SPNS3: variants seen among roughly 807,000 people sequenced by gnomAD.
SPNS3 encodes protein spinster homolog 3.
SPNS3 carries 51 observed loss-of-function variants against 54.4 expected under a neutral mutation model. The observed-to-expected ratio is 0.94, with a 90% CI of 0.75 to 1.18. SPNS3 has a LOEUF of 1.18. SPNS3 is among the 50% of genes most tolerant of loss of function. The pLI, the probability that SPNS3 is intolerant of heterozygous loss-of-function variation, is 0.00. For missense variants in SPNS3, 669 were observed against 677.4 expected (o/e 0.99, Z 0.14); for synonymous variants, 309 against 294.7 (o/e 1.05, Z -0.50).
At chr17:4,436,254 A>G (rs1247960201) in intron 1 of SPNS3, among the ~76,000 whole-genome samples, 1 of 152,148 alleles carries the variant, frequency 6.6e-6, no homozygotes, top group East Asian at 1.9e-4. Flanking sequence ...TCGATCTGTC[A>G]GTTACCAGCT....
intron 8 of SPNS3, among the ~76,000 whole-genome samples, chr17:4,475,772 G>T (rs8070786): frequency 1.1e-4 from 16 of 152,200 alleles, no homozygotes; most frequent in African/African-American, 3.9e-4. Context: ...GAGCAGCTTC[G>T]AACAGTCAGC....
chr17:4,451,760 CG>C (rs1459968007), intron 7 of SPNS3, among the ~76,000 whole-genome samples: 1 of 151,332 alleles, frequency 6.6e-6, no homozygotes, highest in Non-Finnish European at 1.5e-5. Context: ...CTCCACCTCC[CG>C]GATTCAAGTG....
At chr17:4,458,588 C>CCTTCCTTTCTTT (rs1413694695) in intron 8 of SPNS3, among the ~76,000 whole-genome samples, 2,412 of 59,228 alleles carry the variant, frequency 0.041, 202 homozygotes, top group East Asian at 0.085. Flanking sequence ...TTCCTTCCCT[C>CCTTCCTTTCTTT]CTTTCTTTCT....
intron 8 of SPNS3, among the ~76,000 whole-genome samples, chr17:4,458,609 C>A (rs1971398016): frequency 9.5e-6 from 1 of 105,734 alleles, no homozygotes; most frequent in Non-Finnish European, 2.0e-5. Flanking sequence ...TTCTTTCTTT[C>A]TTTCTTTCTT....
In SPNS3 at chr17:4,478,593, C is replaced by T; in HGVS notation, c.1135C>T (p.Leu379=). 1 of 1,584,582 alleles carries T rather than the reference C, an allele frequency of 6.3e-7. No homozygotes were observed. Among genetic ancestry groups the T allele is most frequent in the Middle Eastern group, 1.7e-4 (1 of 6,030 alleles). Residue 379 remains leucine (L), a synonymous_variant, in exon 9 of 12, where the codon CTG becomes TTG. Coordinates refer to ENST00000355530, the MANE Select transcript of SPNS3 (RefSeq NM_182538.5). ...ASYVFLGLGE[L]LLSCNWAVVA... is the part of the protein sequence containing the mutation. ...ACAGGTGTTCCTGGGCCTTGGGGAGCTGCTTCTGTCCTGCAACTGGGCAGT... is the reference window on the plus strand; with the variant it reads ...ACAGGTGTTCCTGGGCCTTGGGGAGTTGCTTCTGTCCTGCAACTGGGCAGT...
intron 2 of SPNS3, among the ~76,000 whole-genome samples, chr17:4,444,198 G>A (rs1226903618): frequency 6.6e-6 from 1 of 151,732 alleles, no homozygotes; most frequent in Non-Finnish European, 1.5e-5. Flanking sequence ...ATCATCACTA[G>A]TTCACAGTCA....
Position 4,453,183 on chromosome 17 carries a change from C to T in SPNS3, c.1091C>T (p.Pro364Leu), listed in dbSNP as rs764717417. ...PCLYLALVLA[P>L]TTLLASYVFL... ...CTCTACCTGGCTCTCGTCCTGGCCC[C>T]GACCACCCTGCTGGCCTCCTATGTA... The change falls in exon 8 of 12, where the codon CCG becomes CTG. Residue 364 changes from proline (P) to leucine (L), a missense_variant. Coordinates refer to ENST00000355530, the MANE Select transcript of SPNS3 (RefSeq NM_182538.5). 26 of 1,613,190 alleles carry T rather than the reference C, an allele frequency of 1.6e-5. No individual in the cohort carries two copies. The highest frequency in any genetic ancestry group is 2.7e-5 in the African/African-American group (2 of 74,898).
Position 4,474,807 on chromosome 17 carries a change from C to T in SPNS3, c.1114-3765C>T, listed in dbSNP as rs868310965. Among the ~76,000 whole-genome samples, 5 of 152,294 alleles carry T rather than the reference C, an allele frequency of 3.3e-5. No homozygotes were observed. In the South Asian group the frequency reaches 6.2e-4, roughly 19 times the overall value. On this transcript the variant is annotated intron_variant, in intron 8 of 11. Transcript: ENST00000355530. ...CTGTTTTTCGGCAAGTCCACCCCAACGAGCCTGTGCCAGGGTTTATAGTCA... is the reference window on the plus strand; with the variant it reads ...CTGTTTTTCGGCAAGTCCACCCCAATGAGCCTGTGCCAGGGTTTATAGTCA...
intron 8 of SPNS3, among the ~76,000 whole-genome samples, chr17:4,461,612 G>A (rs962726839): frequency 2.0e-5 from 3 of 151,746 alleles, no homozygotes; most frequent in East Asian, 1.9e-4. Flanking sequence ...GAGATGATGC[G>A]GTTTGAACCA....
chr17:4,452,531 G>A (rs1971193433), intron 7 of SPNS3, among the ~76,000 whole-genome samples: 2 of 152,126 alleles, frequency 1.3e-5, no homozygotes, highest in African/African-American at 4.8e-5. Flanking sequence ...GGGAGGGCGT[G>A]TAGAGAGCCC....
intron 9 of SPNS3, among the ~76,000 whole-genome samples, chr17:4,481,521 A>C (rs1972150008): frequency 6.6e-6 from 1 of 152,150 alleles, no homozygotes; most frequent in African/African-American, 2.4e-5. Context: ...GGCGGCCAAG[A>C]AAGCCACGAG....
chr17:4,449,223 C>T lies in SPNS3; in HGVS notation c.771-12C>T, dbSNP rs1017258185. ...CCTCTCCCAACTCCAGCTGGGGCAC[C>T]TCGTCTTGCAGCTGGAGTTTCGTGT... On this transcript the variant is annotated splice_polypyrimidine_tract_variant and intron_variant, in intron 6 of 11. Coordinates refer to ENST00000355530, the MANE Select transcript of SPNS3 (RefSeq NM_182538.5). 6.2e-7 allele frequency: 1 copy of T among 1,608,726 alleles called. No homozygotes were observed. The highest frequency in any genetic ancestry group is 8.5e-7 in the Non-Finnish European group (1 of 1,179,476).
chr17:4,457,934 T>C (rs1046301860), intron 8 of SPNS3, among the ~76,000 whole-genome samples: 3 of 152,154 alleles, frequency 2.0e-5, no homozygotes, highest in Non-Finnish European at 4.4e-5. Context: ...GCTGGGAAGC[T>C]GCTGGGTCTG....
intron 8 of SPNS3, among the ~76,000 whole-genome samples, chr17:4,473,199 G>T (rs902110253): frequency 6.6e-6 from 1 of 151,980 alleles, no homozygotes; most frequent in African/African-American, 2.4e-5. Context: ...AGTCTGTGAC[G>T]CAACTTTCAA....
At chr17:4,471,125 T>C (rs139313064) in intron 8 of SPNS3, among the ~76,000 whole-genome samples, 11 of 152,316 alleles carry the variant, frequency 7.2e-5, no homozygotes, top group African/African-American at 2.6e-4. Context: ...GGTTTCTCTA[T>C]GTTGGTCAGG....
chr17:4,435,219 TTG>T (rs1970682733), intron 1 of SPNS3, among the ~76,000 whole-genome samples: 1 of 151,862 alleles, frequency 6.6e-6, no homozygotes, highest in African/African-American at 2.4e-5. Flanking sequence ...AGTGAGGACT[TTG>T]TGACCAGCCT....
At chr17:4,473,115 G>A (rs1261278880) in intron 8 of SPNS3, among the ~76,000 whole-genome samples, 2 of 151,380 alleles carry the variant, frequency 1.3e-5, no homozygotes, top group Non-Finnish European at 2.9e-5. Context: ...TATTTCACTA[G>A]GTTTTCTTCT....
intron 8 of SPNS3, among the ~76,000 whole-genome samples, chr17:4,453,845 T>C (rs914624172): frequency 2.0e-5 from 3 of 152,172 alleles, no homozygotes; most frequent in Non-Finnish European, 2.9e-5. Flanking sequence ...AAGGCCCAGA[T>C]TGGTTATGGC....
chr17:4,482,243 G>A (rs1045412385), intron 9 of SPNS3: 1 of 152,180 alleles, frequency 6.6e-6, no homozygotes, highest in Non-Finnish European at 1.5e-5. Flanking sequence ...GTTATCTCTG[G>A]AGAAGGGACC....
Sources: gnomAD v4.1 joint callset for allele counts (sites outside exome capture counted in the v4.1 genomes callset) on GRCh38, gnomAD v4.1.1 for gene constraint, MANE v1.5 for transcripts, NCBI Gene and HGNC (gene_info 2026-07-23, HGNC 2026-07-21) for gene names.